Variants in WDR49 observed in about 807,000 individuals in gnomAD.
WDR49 encodes WD repeat domain 49.
In WDR49, 107 loss-of-function variants were observed where a neutral mutation model predicts 119.5. The ratio of observed to expected loss-of-function variants is 0.90; its 90% CI spans 0.77 to 1.05. WDR49 has a LOEUF of 1.05. Ranked by LOEUF, WDR49 falls within the 50% of genes least tolerant of loss-of-function variation. WDR49 has a pLI of 0.00. For missense variants in WDR49, 1,240 were observed against 1,220.5 expected, an observed-to-expected ratio of 1.02 and a Z score of -0.24; for synonymous variants, 425 against 418.8, an observed-to-expected ratio of 1.01 and a Z score of -0.18.
intron 13 of WDR49, 56 bp downstream of exon 13, chr3:167,531,059 G>A: frequency 1.3e-6 from 2 of 1,552,384 alleles, no homozygotes; most frequent in Non-Finnish European, 8.7e-7. Flanking sequence ...AAATAGATTG[G>A]ATTTTCTTTA....
At position 167,612,311 on chromosome 3, in the gene WDR49, T is replaced by C. The variant is rs185079666; in HGVS notation, c.959-7843A>G. ...TGATAATAGAAAAACTACACACATA[T>C]GGGATACAGTAAAAGCAGTACTAAG... On this transcript the variant is annotated intron_variant, in intron 5 of 18. Coordinates refer to ENST00000682715, the MANE Select transcript of WDR49 (RefSeq NM_001366157.1). Among the ~76,000 whole-genome samples the C allele has an allele frequency of 4.0e-5, 6 of 151,510 alleles. No individual in the cohort carries two copies. The East Asian group carries it at 7.8e-4, about 20-fold the overall frequency.
intron 16 of WDR49, among the ~76,000 whole-genome samples, chr3:167,510,664 A>C (rs192269229): frequency 2.6e-5 from 4 of 152,256 alleles, no homozygotes; most frequent in Admixed American, 2.6e-4. Flanking sequence ...CCCTGTGAAA[A>C]GCCAGGTATG....
Position 167,505,382 on chromosome 3 carries a change from T to A in WDR49, c.2809A>T (p.Lys937Ter). 1.3e-6 allele frequency: 2 copies of A among 1,528,062 alleles called. No individual in the cohort carries two copies. The highest frequency in any genetic ancestry group is 1.7e-6 in the Non-Finnish European group (2 of 1,146,906). 94.7% of individuals were successfully genotyped at this position (1,528,062 alleles called of 1,614,324 possible). A position where few individuals can be genotyped will look rare whatever the true frequency, so the allele number is the denominator to read the frequency against. The change falls in exon 17 of 19, where the codon AAA becomes TAA. Residue 937 changes from lysine to a stop codon, truncating the protein, a stop_gained. Transcript: ENST00000682715. LOFTEE classifies it high-confidence loss of function. ...ATGCAGGTACTTCTTTCCTTATATT[T>A]TATATCTAAATTTATATCTTCTGAT... The part of the protein sequence containing the change: ...RPSEDINLDI[K>*]YKERSTCMKE...
intron 16 of WDR49, among the ~76,000 whole-genome samples, chr3:167,521,167 T>C (rs193199953): frequency 4.7e-4 from 71 of 151,624 alleles, no homozygotes; most frequent in African/African-American, 1.6e-3. Flanking sequence ...AAACCAGGAG[T>C]TGTGCAAGAG....
chr3:167,656,720 G>A (rs745631637), upstream of WDR49, among the ~76,000 whole-genome samples: 4 of 152,170 alleles, frequency 2.6e-5, no homozygotes, highest in Non-Finnish European at 5.9e-5. Context: ...AACCTTCTCT[G>A]TAACTGTGTG....
chr3:167,495,091 T>C (rs1577196221), intron 18 of WDR49, among the ~76,000 whole-genome samples: 1 of 152,032 alleles, frequency 6.6e-6, no homozygotes, highest in Non-Finnish European at 1.5e-5. Flanking sequence ...AAATTTTCTG[T>C]CATACAATAA....
chr3:167,532,565 T>G (rs1485705162), intron 12 of WDR49, among the ~76,000 whole-genome samples: 1 of 152,118 alleles, frequency 6.6e-6, no homozygotes, highest in Non-Finnish European at 1.5e-5. Flanking sequence ...CGTTCACTCT[T>G]AGGTAATTTG....
intron 10 of WDR49, among the ~76,000 whole-genome samples, chr3:167,538,938 G>C (rs1210949936): frequency 6.6e-6 from 1 of 152,086 alleles, no homozygotes; most frequent in Non-Finnish European, 1.5e-5. Context: ...CAAATGTGGA[G>C]CTCTGTTATT....
chr3:167,500,468 A>G (rs1287946253), intron 17 of WDR49, among the ~76,000 whole-genome samples, 169 bp from the exon 18 acceptor site: 6 of 152,238 alleles, frequency 3.9e-5, no homozygotes, highest in African/African-American at 1.4e-4. Flanking sequence ...ACAGCTGTTC[A>G]AAATAAATCC....
Position 167,531,056 on chromosome 3 carries a change from T to C in WDR49, c.2218+59A>G, listed in dbSNP as rs1752833612. ...TTCTACAAGATCTAGTAGAAATAGA[T>C]TGGATTTTCTTTATTGCTCCCTTTC... is the stretch of plus-strand genomic sequence containing the variant. On this transcript the variant is annotated intron_variant, in intron 13 of 18. Coordinates refer to ENST00000682715, the MANE Select transcript of WDR49 (RefSeq NM_001366157.1). 29 of 1,540,054 alleles carry C rather than the reference T, an allele frequency of 1.9e-5. No homozygotes were observed. In the South Asian group the frequency reaches 3.5e-4, roughly 19 times the overall value.
At chr3:167,516,874 AAAAC>A (rs1429954575) in intron 16 of WDR49, among the ~76,000 whole-genome samples, 2 of 152,200 alleles carry the variant, frequency 1.3e-5, no homozygotes, top group Non-Finnish European at 1.5e-5. Flanking sequence ...TTACAAGAAA[AAAAC>A]AAACAACCCC....
At chr3:167,548,087 C>CA (rs1249211044) in intron 10 of WDR49, among the ~76,000 whole-genome samples, 2 of 152,042 alleles carry the variant, frequency 1.3e-5, no homozygotes, top group Non-Finnish European at 2.9e-5. Context: ...TTTGATAAAA[C>CA]AACTTACAGA....
intron 16 of WDR49, among the ~76,000 whole-genome samples, chr3:167,515,902 A>C (rs1431492194): frequency 1.3e-5 from 2 of 152,322 alleles, no homozygotes; most frequent in East Asian, 3.9e-4. Flanking sequence ...AGAGAATAAA[A>C]TATCTAGGAA....
chr3:167,627,005 A>AT lies in WDR49; in HGVS notation c.452dup (p.Asn151LysfsTer9). 1 of 1,327,834 alleles carries AT rather than the reference A, an allele frequency of 7.5e-7. No individual in the cohort carries two copies. The highest frequency in any genetic ancestry group is 9.6e-7 in the Non-Finnish European group (1 of 1,040,898). 82.3% of individuals were successfully genotyped at this position (1,327,834 alleles called of 1,614,324 possible). A position where few individuals can be genotyped will look rare whatever the true frequency, so the allele number is the denominator to read the frequency against. On this transcript the variant is annotated frameshift_variant, in exon 3 of 19. Coordinates refer to ENST00000682715, the MANE Select transcript of WDR49 (RefSeq NM_001366157.1). LOFTEE classifies it high-confidence loss of function. Reference sequence around the variant, plus strand: ...TACTAATTGTCAGATAATGACTTGAATTTTTTAAGAAAATTACTTTTTGAA... The same window carrying AT: ...TACTAATTGTCAGATAATGACTTGAATTTTTTTAAGAAAATTACTTTTTGAA...
At chr3:167,648,131 T>G (rs1718210787) in intron 2 of WDR49, among the ~76,000 whole-genome samples, 1 of 152,190 alleles carries the variant, frequency 6.6e-6, no homozygotes, top group Non-Finnish European at 1.5e-5. Context: ...AGAATTCAAT[T>G]GAATATTTTT....
chr3:167,617,254 C>G (rs1716640313), intron 5 of WDR49, among the ~76,000 whole-genome samples: 1 of 152,208 alleles, frequency 6.6e-6, no homozygotes, highest in Non-Finnish European at 1.5e-5. Flanking sequence ...AGGCCAGACA[C>G]AGTGGCTCAC....
intron 18 of WDR49, among the ~76,000 whole-genome samples, chr3:167,497,536 A>G (rs1046817591): frequency 6.6e-6 from 1 of 152,130 alleles, no homozygotes; most frequent in African/African-American, 2.4e-5. Flanking sequence ...CCCTGCCCAT[A>G]TGAAGAATTC....
At position 167,560,077 on chromosome 3, in the gene WDR49, T is replaced by A. The variant is rs1399671832; in HGVS notation, c.1661A>T (p.Asp554Val). The A allele has an allele frequency of 9.9e-6, 16 of 1,614,164 alleles. No homozygotes were observed. The highest frequency in any genetic ancestry group is 1.4e-5 in the Non-Finnish European group (16 of 1,180,020). Residue 554 changes from aspartate to valine, a missense_variant, in exon 9 of 19, where the codon GAT (aspartate) becomes GTT (valine). Physicochemically the swap from Asp to Val is radical, Grantham distance 152. Coordinates refer to ENST00000682715, the MANE Select transcript of WDR49 (RefSeq NM_001366157.1). ...TTGTGTTCGCACCTTTACAGTCCCATCTGTGCTGCCAGTCAAAAGCCGAGT... is the reference window on the plus strand; with the variant it reads ...TTGTGTTCGCACCTTTACAGTCCCAACTGTGCTGCCAGTCAAAAGCCGAGT... The part of the protein sequence containing the change: ...NETRLLTGST[D>V]GTVKIWDFNG...
chr3:167,623,071 A>C (rs1423642821), intron 3 of WDR49, among the ~76,000 whole-genome samples: 1 of 152,022 alleles, frequency 6.6e-6, no homozygotes, highest in Non-Finnish European at 1.5e-5. Context: ...GAAAATCCTC[A>C]ACTAGATGGC....
Sources: allele counts gnomAD v4.1 joint callset (sites outside exome capture counted in the v4.1 genomes callset), GRCh38; gene constraint gnomAD v4.1.1; transcripts MANE v1.5; gene names NCBI Gene and HGNC (gene_info 2026-07-23, HGNC 2026-07-21).